Variants in TLE2 observed in about 807,000 individuals in gnomAD.
TLE2 encodes the protein transducin-like enhancer protein 2.
A neutral mutation model predicts 97.2 loss-of-function variants in TLE2; 74 were observed. The observed-to-expected ratio is 0.76, with a 90% CI of 0.63 to 0.92. The LOEUF is 0.92. Ranked by LOEUF, TLE2 falls within the 40% of genes least tolerant of loss-of-function variation. TLE2 has a pLI of 0.00. For missense variants in TLE2, 1,038 were observed against 1,008.7 expected (o/e 1.03, Z -0.39); for synonymous variants, 499 against 432.1 (o/e 1.15, Z -1.92).
Position 3,015,782 on chromosome 19 carries a change from G to C in TLE2, c.571-22C>G, listed in dbSNP as rs1388210927. On this transcript the variant is annotated intron_variant, in intron 8 of 19. Coordinates refer to ENST00000262953, the MANE Select transcript of TLE2 (RefSeq NM_003260.5). ...CACTCTGCGGAGAGACAAAGGCCGG[G>C]GGGAGAAAGGGTCAGGGCCCTGGGC... is the stretch of plus-strand genomic sequence containing the variant. 3 of 1,556,172 alleles carry C rather than the reference G, an allele frequency of 1.9e-6. No homozygotes were observed. In the Admixed American group the frequency reaches 5.4e-5, roughly 28 times the overall value.
At chr19:3,024,958 T>G in intron 5 of TLE2, 62 bp downstream of exon 5, 1 of 1,455,014 alleles carries the variant, frequency 6.9e-7, no homozygotes, top group Non-Finnish European at 9.4e-7. Context: ...CGCCCAGACC[T>G]ACCCCCTCCC....
chr19:3,011,010 C>CAAGGTGCTCACCGACGCTGTCCGTGG lies in TLE2; in HGVS notation c.998_1012+11dup. On this transcript the variant is annotated intron_variant, in intron 12 of 19. Coordinates refer to ENST00000262953, the MANE Select transcript of TLE2 (RefSeq NM_003260.5). Reference sequence around the variant, plus strand: ...CCTGCTCCAGACAGGCACCAACAGGCAAGGTGCTCACCGACGCTGTCCGTG... The same window carrying CAAGGTGCTCACCGACGCTGTCCGTGG: ...CCTGCTCCAGACAGGCACCAACAGGCAAGGTGCTCACCGACGCTGTCCGTGGAAGGTGCTCACCGACGCTGTCCGTG... The CAAGGTGCTCACCGACGCTGTCCGTGG allele has an allele frequency of 6.3e-7, 1 of 1,599,272 alleles. No individual in the cohort carries two copies. Among genetic ancestry groups the CAAGGTGCTCACCGACGCTGTCCGTGG allele is most frequent in the Non-Finnish European group, 8.5e-7 (1 of 1,174,184 alleles).
chr19:2,999,319 A>G (rs951137482), intron 19 of TLE2, among the ~76,000 whole-genome samples: 3 of 151,926 alleles, frequency 2.0e-5, no homozygotes, highest in African/African-American at 7.3e-5. Context: ...CAGGACGGGC[A>G]TATTAAAAAC....
Position 3,002,379 on chromosome 19 carries a change from A to G in TLE2, c.2021T>C (p.Val674Ala). ...GCAGGAGGCAAACTTCAGGGACAGCACGCAGCTCTCGTGGAGGTGCAGCTG... is the reference window on the plus strand; with the variant it reads ...GCAGGAGGCAAACTTCAGGGACAGCGCGCAGCTCTCGTGGAGGTGCAGCTG... ...KYQLHLHESC[V>A]LSLKFASCGR... Residue 674 changes from valine to alanine, a missense_variant, in exon 18 of 20, where the codon GTG (valine) becomes GCG (alanine). Transcript: ENST00000262953. The G allele has an allele frequency of 6.2e-7, 1 of 1,613,658 alleles. No homozygotes were observed. Among genetic ancestry groups the G allele is most frequent in the Non-Finnish European group, 8.5e-7 (1 of 1,179,832 alleles).
intron 5 of TLE2, among the ~76,000 whole-genome samples, chr19:3,023,701 C>CG (rs2089890105): frequency 6.6e-6 from 1 of 151,832 alleles, no homozygotes; most frequent in South Asian, 2.1e-4. Flanking sequence ...GAGACCAGCC[C>CG]GGGCAACATA....
chr19:3,017,382 C>T (rs1384576642), intron 8 of TLE2, among the ~76,000 whole-genome samples: 1 of 151,898 alleles, frequency 6.6e-6, no homozygotes, highest in Non-Finnish European at 1.5e-5. Context: ...AAGTGATCTG[C>T]CCACCTTGGC....
At chr19:3,003,458 C>T (rs907390157) in intron 17 of TLE2, among the ~76,000 whole-genome samples, 2 of 151,954 alleles carry the variant, frequency 1.3e-5, no homozygotes, top group South Asian at 4.1e-4. Context: ...GCCAACATGG[C>T]GAAAACCCAT....
upstream of TLE2, among the ~76,000 whole-genome samples, chr19:3,046,111 G>C (rs1371675938): frequency 6.6e-6 from 1 of 152,232 alleles, no homozygotes; most frequent in Non-Finnish European, 1.5e-5. Context: ...AGGTCCCTGA[G>C]CAGCCAGCAG....
chr19:3,024,879 C>G lies in TLE2; in HGVS notation c.294+141G>C. On this transcript the variant is annotated intron_variant, in intron 5 of 19. Transcript: ENST00000262953. ...GATGCCTGGCCTCAGGGCTGCGGGA[C>G]TACTGCAGTGAAAATGGTCTCTATC... 1.4e-5 allele frequency: 10 copies of G among 702,226 alleles called. No individual in the cohort carries two copies. In the South Asian group the frequency reaches 1.9e-4, roughly 13 times the overall value. The allele number at this position is 702,226 out of a possible 1,614,324, so 43.5% of individuals were successfully genotyped here.
At chr19:3,040,311 C>T (rs369831317) in intron 1 of TLE2, among the ~76,000 whole-genome samples, 1 of 152,070 alleles carries the variant, frequency 6.6e-6, no homozygotes. Context: ...AACCCCTGGC[C>T]GCATGGCCCA....
intron 1 of TLE2, among the ~76,000 whole-genome samples, chr19:3,038,101 G>A (rs925570519): frequency 6.6e-6 from 1 of 151,968 alleles, no homozygotes; most frequent in African/African-American, 2.4e-5. Context: ...CAGCCTGGGG[G>A]ACAGAGCGAG....
chr19:3,020,238 G>GA (rs2089809993), intron 5 of TLE2: 1 of 166,168 alleles, frequency 6.0e-6, no homozygotes, highest in South Asian at 1.6e-4. Flanking sequence ...TCTGTCTCAA[G>GA]AAAAAATATA....
Position 3,019,795 on chromosome 19 carries a change from G to T in TLE2, c.295-22C>A, listed in dbSNP as rs779015959. On this transcript the variant is annotated intron_variant, in intron 5 of 19. Transcript: ENST00000262953. The surrounding 1 kb of genome is among the most constrained non-coding windows in gnomAD (Gnocchi z 5.1). ...GATGCTGGCGGGTGGAAGGGATCAG[G>T]TAGAGGGTACATTGAGCCCCTGCTC... 4 of 1,606,776 alleles carry T rather than the reference G, an allele frequency of 2.5e-6. No homozygotes were observed. Among genetic ancestry groups the T allele is most frequent in the Middle Eastern group, 3.3e-4 (2 of 6,048 alleles).
intron 13 of TLE2, among the ~76,000 whole-genome samples, 197 bp downstream of exon 13, chr19:3,009,345 C>T (rs2089542082): frequency 6.6e-6 from 1 of 152,228 alleles, no homozygotes; most frequent in African/African-American, 2.4e-5. Context: ...CGTTTTTCCA[C>T]AATCAGAAGT....
chr19:3,019,907 T>G lies in TLE2; in HGVS notation c.295-134A>C. Reference sequence around the variant, plus strand: ...ACTTCCCATTTCTCTTTTATCTTTTTCCCTCTCACTCTCTCCCTTTCCTTT... The same window carrying G: ...ACTTCCCATTTCTCTTTTATCTTTTGCCCTCTCACTCTCTCCCTTTCCTTT... On this transcript the variant is annotated intron_variant, in intron 5 of 19. Coordinates refer to ENST00000262953, the MANE Select transcript of TLE2 (RefSeq NM_003260.5). The surrounding 1 kb of genome is among the most constrained non-coding windows in gnomAD (Gnocchi z 5.1). 4.2e-6 allele frequency: 5 copies of G among 1,192,280 alleles called. No homozygotes were observed. The highest frequency in any genetic ancestry group is 5.8e-6 in the Non-Finnish European group (5 of 862,036). The allele number at this position is 1,192,280 out of a possible 1,614,324, so 73.9% of individuals were successfully genotyped here.
rs1191212705 is a variant in TLE2, at chr19:3,009,512, C to T, written c.1173+30G>A. 3.2e-6 allele frequency: 5 copies of T among 1,562,226 alleles called. No individual in the cohort carries two copies. In the African/African-American group the frequency reaches 5.5e-5, roughly 17 times the overall value. On this transcript the variant is annotated intron_variant, in intron 13 of 19. Coordinates refer to ENST00000262953, the MANE Select transcript of TLE2 (RefSeq NM_003260.5). ...GCCCCCAGCCCCTGGGCCCTGCTGA[C>T]ACCTCCTGCGCCCCCACCCAAGGAC...
intron 1 of TLE2, among the ~76,000 whole-genome samples, chr19:3,040,340 A>T (rs1383034387): frequency 6.6e-6 from 1 of 150,450 alleles, no homozygotes. Flanking sequence ...CTTCTTTTTA[A>T]CGTTTGTTTG....
chr19:3,030,223 A>G (rs2090012200), upstream of TLE2, among the ~76,000 whole-genome samples: 2 of 152,162 alleles, frequency 1.3e-5, no homozygotes, highest in Non-Finnish European at 1.5e-5. Flanking sequence ...CTCCCCTCTC[A>G]GACTGGGTTT....
chr19:3,003,015 A>G (rs1201937035), intron 17 of TLE2, among the ~76,000 whole-genome samples: 6 of 152,040 alleles, frequency 3.9e-5, no homozygotes, highest in Admixed American at 1.3e-4. Flanking sequence ...CCCTTTGGAT[A>G]TTGGGGGGTG....
Sources: allele counts gnomAD v4.1 joint callset (sites outside exome capture counted in the v4.1 genomes callset), GRCh38; gene constraint gnomAD v4.1.1; non-coding constraint Gnocchi (gnomAD v3.1); transcripts MANE v1.5; gene names NCBI Gene and HGNC (gene_info 2026-07-23, HGNC 2026-07-21).